Variants in MYO16 observed in about 807,000 individuals in gnomAD.
MYO16 encodes the protein myosin XVI.
A neutral mutation model predicts 205.3 loss-of-function variants in MYO16; 94 were observed. The ratio of observed to expected loss-of-function variants is 0.46; its 90% CI spans 0.39 to 0.54. The LOEUF is 0.54. Ranked by LOEUF, MYO16 falls within the 20% of genes least tolerant of loss-of-function variation. The pLI, the probability that MYO16 is intolerant of heterozygous loss-of-function variation, is 0.00. For synonymous variants in MYO16, 988 were observed against 954.0 expected (o/e 1.04, Z -0.66); for missense variants, 2,315 against 2,387.5 (o/e 0.97, Z 0.63).
chr13:108,833,907 A>C (rs1876756429), intron 9 of MYO16, among the ~76,000 whole-genome samples: 1 of 151,988 alleles, frequency 6.6e-6, no homozygotes, highest in Non-Finnish European at 1.5e-5. Flanking sequence ...TGTTTATGGG[A>C]TCTGTCTTAC....
intron 1 of MYO16, among the ~76,000 whole-genome samples, chr13:108,607,732 C>A (rs1334630362): frequency 6.6e-6 from 1 of 152,154 alleles, no homozygotes; most frequent in Admixed American, 6.5e-5. Flanking sequence ...AAGAATGGAA[C>A]CCCGACACCT....
rs1212891578 is a variant in MYO16 at position 109,055,430 on chromosome 13, C to A, written c.3170C>A (p.Thr1057Asn). 2 of 1,612,876 alleles carry A rather than the reference C, an allele frequency of 1.2e-6. No individual in the cohort carries two copies. Among genetic ancestry groups the A allele is most frequent in the Non-Finnish European group, 1.7e-6 (2 of 1,179,404 alleles). Residue 1057 changes from threonine (T) to asparagine (N), a missense_variant, in exon 27 of 35, where the codon ACT (threonine) becomes AAT (asparagine). Around this residue, in one of 3 missense-constraint regions of MYO16, gnomAD observed 1,213 missense variants for 1,274.4 expected, o/e 0.95. Coordinates refer to ENST00000457511, the MANE Select transcript of MYO16 (RefSeq NM_001198950.3). This position sits in a 1 kb window ranked among gnomAD's most constrained non-coding sequence, Gnocchi z 5.0. ...MDIIGKLQKC[T>N]PHFIHCIRPN... is the part of the protein sequence containing the mutation. ...ATTATTGGAAAACTTCAGAAGTGCACTCCACACTTCATTCATTGCATCAGG... is the reference window on the plus strand; with the variant it reads ...ATTATTGGAAAACTTCAGAAGTGCAATCCACACTTCATTCATTGCATCAGG...
chr13:108,768,641 T>C (rs531381234), intron 4 of MYO16, among the ~76,000 whole-genome samples: 34 of 152,316 alleles, frequency 2.2e-4, no homozygotes, highest in Admixed American at 3.9e-4. Flanking sequence ...AGACATAGTG[T>C]AAAATATTTT....
chr13:108,537,272 T>A, the MYO16 span, among the ~76,000 whole-genome samples: 1 of 152,158 alleles, frequency 6.6e-6, no homozygotes, highest in Admixed American at 6.6e-5. Flanking sequence ...GTTTCTGAGT[T>A]ATTTCACTTA....
chr13:108,991,803 A>G (rs1884841885), intron 20 of MYO16, among the ~76,000 whole-genome samples: 1 of 152,266 alleles, frequency 6.6e-6, no homozygotes, highest in Admixed American at 6.5e-5. Context: ...AAGGGAAAAG[A>G]AGTCCAACCT....
intron 2 of MYO16, among the ~76,000 whole-genome samples, chr13:108,707,735 A>G (rs1186442746): frequency 1.3e-5 from 2 of 152,174 alleles, no homozygotes; most frequent in Non-Finnish European, 2.9e-5. Context: ...GTTCAGAGGT[A>G]ATTTCCTGAG....
At chr13:109,132,690 A>C (rs896577915) in intron 31 of MYO16, among the ~76,000 whole-genome samples, 1 of 152,234 alleles carries the variant, frequency 6.6e-6, no homozygotes, top group Non-Finnish European at 1.5e-5. Flanking sequence ...CCTTTAAAAA[A>C]ATTTTAAATG....
At chr13:108,560,583 A>G in the MYO16 span, among the ~76,000 whole-genome samples, 1 of 152,122 alleles carries the variant, frequency 6.6e-6, no homozygotes, top group Non-Finnish European at 1.5e-5. Context: ...TGATTTTTCC[A>G]CTCATTTAAA....
At chr13:109,085,173 C>T (rs1431111156) in intron 27 of MYO16, among the ~76,000 whole-genome samples, 1 of 151,990 alleles carries the variant, frequency 6.6e-6, no homozygotes, top group Non-Finnish European at 1.5e-5. Flanking sequence ...GGTCCTGGTG[C>T]CAAACTAAAA....
At chr13:109,188,987 G>A (rs1033856470) in intron 34 of MYO16, among the ~76,000 whole-genome samples, 2 of 151,934 alleles carry the variant, frequency 1.3e-5, no homozygotes, top group African/African-American at 2.4e-5. Flanking sequence ...CCAGCTACTC[G>A]GGAGGCTGAG....
At position 109,164,920 on chromosome 13, in the gene MYO16, C is replaced by T; in HGVS notation, c.5184C>T (p.Asn1728=). 2.5e-6 allele frequency: 4 copies of T among 1,580,370 alleles called. No homozygotes were observed. The highest frequency in any genetic ancestry group is 2.6e-6 in the Non-Finnish European group (3 of 1,166,582). The change falls in exon 33 of 35, where the codon AAC becomes AAT. Residue 1728 remains asparagine, a synonymous_variant. Coordinates refer to ENST00000457511, the MANE Select transcript of MYO16 (RefSeq NM_001198950.3). ...REAEGFETNM[N]ISSRDDPSTS... ...TTTTAGGTTTTGAAACTAACATGAA[C>T]ATAAGTAGCCGAGATGACCCTAGTA... is the stretch of plus-strand genomic sequence containing the variant.
chr13:108,888,390 A>G lies in MYO16; in HGVS notation c.1572A>G (p.Gly524=), dbSNP rs1296333595. ...TCCTTAGTGGAGAAAGGGGATCAGG[A>G]AAGTCTGAAGCCAGCAAACAAATCA... ...CFILSGERGS[G]KSEASKQIIR... The change falls in exon 14 of 35, where the codon GGA becomes GGG. Residue 524 remains glycine (G), a synonymous_variant. Transcript: ENST00000457511. 2.5e-6 allele frequency: 4 copies of G among 1,601,438 alleles called. No homozygotes were observed. The highest frequency in any genetic ancestry group is 1.7e-6 in the Non-Finnish European group (2 of 1,174,436).
the MYO16 span, among the ~76,000 whole-genome samples, chr13:108,525,174 G>A: frequency 2.0e-5 from 3 of 152,118 alleles, no homozygotes; most frequent in African/African-American, 7.2e-5. Flanking sequence ...TGTGATGAGT[G>A]CTTACAGGGG....
At chr13:108,553,888 G>T in the MYO16 span, among the ~76,000 whole-genome samples, 1 of 152,044 alleles carries the variant, frequency 6.6e-6, no homozygotes, top group South Asian at 2.1e-4. Context: ...CTGCCGATGC[G>T]AGTGCCCCAA....
chr13:108,914,164 TCTA>T (rs1468727912), intron 16 of MYO16, among the ~76,000 whole-genome samples: 4 of 148,936 alleles, frequency 2.7e-5, no homozygotes, highest in Middle Eastern at 3.3e-3. Context: ...ATGTAGTATA[TCTA>T]CTATTATTAA....
chr13:109,189,393 T>C (rs1011624410), intron 34 of MYO16, among the ~76,000 whole-genome samples: 1 of 152,264 alleles, frequency 6.6e-6, no homozygotes, highest in Non-Finnish European at 1.5e-5. Context: ...ATTAGTTTTA[T>C]TACGTGTTTT....
chr13:109,042,231 C>T (rs1196439213), intron 23 of MYO16, among the ~76,000 whole-genome samples: 1 of 152,120 alleles, frequency 6.6e-6, no homozygotes, highest in South Asian at 2.1e-4. Flanking sequence ...GGTTAAAAGA[C>T]CTAATTTGGA....
upstream of MYO16, among the ~76,000 whole-genome samples, chr13:108,591,769 G>T (rs1012777964): frequency 6.6e-6 from 1 of 152,092 alleles, no homozygotes. Flanking sequence ...CAAATAAAAA[G>T]AAGTTAAATA....
intron 1 of MYO16, among the ~76,000 whole-genome samples, chr13:108,659,774 C>T (rs1280832607): frequency 6.6e-6 from 1 of 152,166 alleles, no homozygotes; most frequent in African/African-American, 2.4e-5. Flanking sequence ...AACAGCAAAA[C>T]TATTGACTAC....
Sources: allele counts gnomAD v4.1 joint callset (sites outside exome capture counted in the v4.1 genomes callset), GRCh38; gene constraint gnomAD v4.1.1; regional missense constraint gnomAD v4.1.1; non-coding constraint Gnocchi (gnomAD v3.1); transcripts MANE v1.5; gene names NCBI Gene and HGNC (gene_info 2026-07-23, HGNC 2026-07-21).